NFATC1: variants seen among roughly 807,000 people sequenced by gnomAD.
NFATC1 encodes the protein nuclear factor of activated T-cells, cytoplasmic 1.
A neutral mutation model predicts 76.0 loss-of-function variants in NFATC1; 22 were observed. That is an observed-to-expected ratio of 0.29 (90% CI 0.21 to 0.41). NFATC1 has a LOEUF of 0.41. NFATC1 is among the 10% of genes least tolerant of loss of function. NFATC1 has a pLI of 1.00. For missense variants in NFATC1, 1,357 were observed against 1,337.7 expected (o/e 1.01, Z -0.23); for synonymous variants, 704 against 613.1 (o/e 1.15, Z -2.19).
At chr18:79,485,353 TCTC>T (rs1392094243) in intron 8 of NFATC1, among the ~76,000 whole-genome samples, 2 of 152,126 alleles carry the variant, frequency 1.3e-5, no homozygotes, top group African/African-American at 4.8e-5. Context: ...CCGTCTGATG[TCTC>T]CTCTAAGTAG....
rs571372143 is a variant in NFATC1 at position 79,406,818 on chromosome 18, G to A, written c.128-3585G>A. On this transcript the variant is annotated intron_variant, in intron 1 of 9. Coordinates refer to ENST00000427363, the MANE Select transcript of NFATC1 (RefSeq NM_001278669.2). ...CTGTCCACCGTTGGACTGCGTCCCTGTGCTTCCCCCGAGACCCCCAGCCGC... is the reference window on the plus strand; with the variant it reads ...CTGTCCACCGTTGGACTGCGTCCCTATGCTTCCCCCGAGACCCCCAGCCGC... Among the ~76,000 whole-genome samples, 10 of 152,144 alleles carry A rather than the reference G, an allele frequency of 6.6e-5. No individual in the cohort carries two copies. In the South Asian group the frequency reaches 1.9e-3, roughly 29 times the overall value.
intron 4 of NFATC1, 98 bp downstream of exon 4, chr18:79,449,082 C>T (rs1260471256): frequency 8.3e-7 from 1 of 1,211,642 alleles, no homozygotes; most frequent in African/African-American, 1.5e-5. Context: ...CCCGCACTTC[C>T]AGGCTGCGTG....
At chr18:79,453,274 G>T (rs563684763) in intron 6 of NFATC1, among the ~76,000 whole-genome samples, 1 of 152,242 alleles carries the variant, frequency 6.6e-6, no homozygotes, top group African/African-American at 2.4e-5. Flanking sequence ...GACCTGAGCA[G>T]CCTCCTTGCT....
chr18:79,443,905 C>T (rs2087087678), intron 3 of NFATC1, among the ~76,000 whole-genome samples: 1 of 152,206 alleles, frequency 6.6e-6, no homozygotes, highest in African/African-American at 2.4e-5. Context: ...CCTGGTGTCC[C>T]TGCCTGCCAG....
Position 79,465,882 on chromosome 18 carries a change from C to T in NFATC1, c.1960-1568C>T, listed in dbSNP as rs1031045544. On this transcript the variant is annotated intron_variant, in intron 7 of 9. Transcript: ENST00000427363. The surrounding 1 kb of genome is among the most constrained non-coding windows in gnomAD (Gnocchi z 4.2). ...GACCCACAGTGCTCTGGGGGCAGCC[C>T]AGGCCCCGCCCACTGACAGCACTCA... Among the ~76,000 whole-genome samples, 2 of 152,268 alleles carry T rather than the reference C, an allele frequency of 1.3e-5. No individual in the cohort carries two copies. Among genetic ancestry groups the T allele is most frequent in the Non-Finnish European group, 2.9e-5 (2 of 68,048 alleles).
intron 6 of NFATC1, among the ~76,000 whole-genome samples, chr18:79,453,513 TCAC>T (rs1341017381): frequency 6.6e-6 from 1 of 152,228 alleles, no homozygotes; most frequent in Non-Finnish European, 1.5e-5. Context: ...GCCTTCATCA[TCAC>T]TGTGAGCTGT....
intron 3 of NFATC1, 77 bp downstream of exon 3, chr18:79,433,815 G>C (rs2086680998): frequency 2.0e-5 from 30 of 1,526,076 alleles, no homozygotes; most frequent in Non-Finnish European, 2.6e-5. Flanking sequence ...ACAGCTAACT[G>C]TGCTTAGACT....
intron 4 of NFATC1, 53 bp downstream of exon 4, chr18:79,449,037 G>A: frequency 3.2e-6 from 5 of 1,567,682 alleles, no homozygotes; most frequent in Middle Eastern, 4.0e-4. Context: ...GAGGGGGCGT[G>A]CCTCCCTCCC....
chr18:79,444,728 C>T lies in NFATC1; in HGVS notation c.1387-4054C>T, dbSNP rs1024335662. Among the ~76,000 whole-genome samples, 594 of 139,794 alleles carry T rather than the reference C, an allele frequency of 4.2e-3. 27 individuals are homozygous for T. The East Asian group carries it at 0.055, about 13-fold the overall frequency. 91.7% of individuals were successfully genotyped at this position (139,794 alleles called of 152,430 possible). ...CCGGCACTGCACACACAGGCACCCC[C>T]GTGGGCACACACGTGCCCGACCCCA... On this transcript the variant is annotated intron_variant, in intron 3 of 9. Coordinates refer to ENST00000427363, the MANE Select transcript of NFATC1 (RefSeq NM_001278669.2).
At position 79,410,861 on chromosome 18, in the gene NFATC1, C is replaced by G; in HGVS notation, c.586C>G (p.Pro196Ala). The G allele has an allele frequency of 1.2e-6, 2 of 1,609,832 alleles. No homozygotes were observed. The highest frequency in any genetic ancestry group is 2.2e-5 in the South Asian group (2 of 90,702). The part of the protein sequence containing the change: ...ASSYESNYSY[P>A]YASPQTSPWQ... Reference sequence around the variant, plus strand: ...CTCCTACGAGTCCAACTACTCGTACCCGTACGCGTCCCCCCAGACGTCGCC... The same window carrying G: ...CTCCTACGAGTCCAACTACTCGTACGCGTACGCGTCCCCCCAGACGTCGCC... Residue 196 changes from proline to alanine, a missense_variant, in exon 2 of 10, where the codon CCG (proline) becomes GCG (alanine). Pro to Ala is a conservative substitution (Grantham distance 27). Transcript: ENST00000427363. This position sits in a 1 kb window ranked among gnomAD's most constrained non-coding sequence, Gnocchi z 6.7.
chr18:79,400,106 G>C (rs1026805928), intron 1 of NFATC1, among the ~76,000 whole-genome samples: 2 of 151,902 alleles, frequency 1.3e-5, no homozygotes, highest in African/African-American at 4.8e-5. Flanking sequence ...GGGCACAAGA[G>C]GCCGGGGGAC....
Position 79,410,210 on chromosome 18 carries a change from C to A in NFATC1, c.128-193C>A. 4 of 877,638 alleles carry A rather than the reference C, an allele frequency of 4.6e-6. No homozygotes were observed. The highest frequency in any genetic ancestry group is 7.3e-6 in the Non-Finnish European group (4 of 544,400). 54.4% of individuals were successfully genotyped at this position (877,638 alleles called of 1,614,324 possible). On this transcript the variant is annotated intron_variant, in intron 1 of 9. Coordinates refer to ENST00000427363, the MANE Select transcript of NFATC1 (RefSeq NM_001278669.2). The surrounding 1 kb of genome is among the most constrained non-coding windows in gnomAD (Gnocchi z 6.7). ...AGGGGCTCACGGGAGCCTTGTTGGC[C>A]AGGTGGGACTGGGGCTGTCACTCCA...
intron 3 of NFATC1, among the ~76,000 whole-genome samples, chr18:79,447,040 C>T (rs1012983838): frequency 6.6e-6 from 1 of 152,210 alleles, no homozygotes; most frequent in Non-Finnish European, 1.5e-5. Context: ...GCCGTCGCTT[C>T]ACTGTGGCCT....
chr18:79,434,833 G>A (rs769127248), intron 3 of NFATC1, among the ~76,000 whole-genome samples: 1 of 152,268 alleles, frequency 6.6e-6, no homozygotes, highest in Admixed American at 6.5e-5. Flanking sequence ...GCTGGGGTGA[G>A]GCGTTTTCGC....
rs373777764 is a variant in NFATC1, at chr18:79,479,989, C to T, written c.2093-6259C>T. On this transcript the variant is annotated intron_variant, in intron 8 of 9. Transcript: ENST00000427363. ...AAGGCTGGGAGAAGCCGCGTGGAGA[C>T]CCCAGCCCAGGGAGGGGCACTGTGG... Among the ~76,000 whole-genome samples, 101 of 152,322 alleles carry T rather than the reference C, an allele frequency of 6.6e-4. 4 individuals carry two copies. In the East Asian group the frequency reaches 0.019, roughly 28 times the overall value.
chr18:79,473,781 A>G (rs2088894153), intron 8 of NFATC1, among the ~76,000 whole-genome samples: 1 of 148,162 alleles, frequency 6.7e-6, no homozygotes, highest in African/African-American at 2.5e-5. Flanking sequence ...CTGTCGACAT[A>G]AACCTGAGGG....
chr18:79,506,050 C>T (rs1165530642), intron 9 of NFATC1, among the ~76,000 whole-genome samples: 7 of 152,178 alleles, frequency 4.6e-5, no homozygotes, highest in African/African-American at 1.2e-4. Context: ...CTGTGTGAAA[C>T]GTGCCTCCGT....
chr18:79,467,918 C>T lies in NFATC1; in HGVS notation c.2092+336C>T, dbSNP rs8086778. 0.013 allele frequency: 14,032 copies of T among 1,110,060 alleles called. 1,293 individuals carry two copies. The African/African-American group carries it at 0.2, about 16-fold the overall frequency. The allele number at this position is 1,110,060 out of a possible 1,614,324, so 68.8% of individuals were successfully genotyped here. A position where few individuals can be genotyped will look rare whatever the true frequency, so the allele number is the denominator to read the frequency against. The stretch of plus-strand genomic sequence containing the variant: ...AGGGGGTCCTGGTGTGCATTTGCAC[C>T]CTAAAGCTGCTTACGGTGAAAAGGC... On this transcript the variant is annotated intron_variant, in intron 8 of 9. Coordinates refer to ENST00000427363, the MANE Select transcript of NFATC1 (RefSeq NM_001278669.2).
chr18:79,464,678 A>ATATACACACT (rs1568994582), intron 7 of NFATC1, among the ~76,000 whole-genome samples: 1 of 77,072 alleles, frequency 1.3e-5, no homozygotes, highest in Non-Finnish European at 2.8e-5. Flanking sequence ...GTGTATATGT[A>ATATACACACT]TGTGTATATA....
Sources: allele counts gnomAD v4.1 joint callset (sites outside exome capture counted in the v4.1 genomes callset), GRCh38; gene constraint gnomAD v4.1.1; non-coding constraint Gnocchi (gnomAD v3.1); transcripts MANE v1.5; gene names NCBI Gene and HGNC (gene_info 2026-07-23, HGNC 2026-07-21).